Variants in SGCZ observed in about 807,000 individuals in gnomAD.
SGCZ encodes the protein sarcoglycan zeta, also known as zeta-sarcoglycan.
Under a neutral mutation model 41.3 loss-of-function variants are expected in SGCZ, and 40 were observed. The observed-to-expected ratio is 0.97, with a 90% confidence interval of 0.75 to 1.26. The LOEUF is 1.26. SGCZ is among the 50% of genes most tolerant of loss of function. The pLI is 0.00. For synonymous variants in SGCZ, 206 were observed against 137.5 expected (o/e 1.50, Z -3.49); for missense variants, 552 against 369.8 (o/e 1.49, Z -4.04).
chr8:15,137,450 G>T (rs574949456), intron 1 of SGCZ, among the ~76,000 whole-genome samples: 1 of 152,202 alleles, frequency 6.6e-6, no homozygotes, highest in East Asian at 1.9e-4. Flanking sequence ...TGTCTCCAAG[G>T]CATGTCGGGG....
At chr8:14,687,322 C>T (rs1408329303) in intron 1 of SGCZ, among the ~76,000 whole-genome samples, 1 of 137,402 alleles carries the variant, frequency 7.3e-6, no homozygotes, top group African/African-American at 3.2e-5. Flanking sequence ...TTAGGTATAT[C>T]TCCTAAAGCT....
intron 2 of SGCZ, among the ~76,000 whole-genome samples, chr8:14,347,721 A>T (rs918995202): frequency 6.6e-5 from 10 of 152,050 alleles, no homozygotes; most frequent in African/African-American, 2.4e-4. Flanking sequence ...AATACTTACC[A>T]TATGTCACGT....
intron 1 of SGCZ, among the ~76,000 whole-genome samples, chr8:14,718,353 A>C (rs1809764141): frequency 6.6e-6 from 1 of 152,054 alleles, no homozygotes; most frequent in Admixed American, 6.6e-5. Context: ...TGCTCAGGAA[A>C]AGTAGACAGA....
intron 4 of SGCZ, among the ~76,000 whole-genome samples, chr8:14,218,075 G>C (rs1438714480): frequency 6.6e-6 from 1 of 152,102 alleles, no homozygotes. Flanking sequence ...AACAAGAAAG[G>C]ATATCTACTT....
chr8:14,676,580 C>T (rs563607156), intron 1 of SGCZ, among the ~76,000 whole-genome samples: 10 of 152,224 alleles, frequency 6.6e-5, no homozygotes, highest in African/African-American at 2.4e-4. Flanking sequence ...AATAGTCCAA[C>T]ATTATTTAAA....
chr8:14,220,436 G>C (rs1806152508), intron 4 of SGCZ, among the ~76,000 whole-genome samples: 1 of 152,142 alleles, frequency 6.6e-6, no homozygotes, highest in Admixed American at 6.5e-5. Context: ...GAAAGCAGAT[G>C]GTAGAGTCCT....
At chr8:14,924,152 T>C (rs1217322798) in intron 1 of SGCZ, among the ~76,000 whole-genome samples, 1 of 152,248 alleles carries the variant, frequency 6.6e-6, no homozygotes, top group East Asian at 1.9e-4. Context: ...TCCTTTAGTC[T>C]TTAAGAAAAC....
chr8:14,190,174 G>A (rs1005304606), intron 4 of SGCZ, among the ~76,000 whole-genome samples: 4 of 151,392 alleles, frequency 2.6e-5, no homozygotes, highest in South Asian at 2.1e-4. Context: ...CACCACGCCC[G>A]GCTAATTCTT....
At chr8:14,105,516 C>T (rs1296920614) in intron 6 of SGCZ, among the ~76,000 whole-genome samples, 1 of 152,044 alleles carries the variant, frequency 6.6e-6, no homozygotes, top group African/African-American at 2.4e-5. Flanking sequence ...GGAAAATTGT[C>T]AGCAAGGCTT....
chr8:14,614,817 A>G (rs1806042491), intron 1 of SGCZ, among the ~76,000 whole-genome samples: 1 of 152,158 alleles, frequency 6.6e-6, no homozygotes, highest in Non-Finnish European at 1.5e-5. Context: ...AAACTAAGAA[A>G]AATGAATAAT....
chr8:14,556,749 C>A (rs1418093467), intron 1 of SGCZ, among the ~76,000 whole-genome samples: 1 of 152,052 alleles, frequency 6.6e-6, no homozygotes, highest in African/African-American at 2.4e-5. Context: ...CCAATCCCAT[C>A]CAGGTTGCTG....
At chr8:14,811,517 TC>T in intron 1 of SGCZ, among the ~76,000 whole-genome samples, 3 of 120,356 alleles carry the variant, frequency 2.5e-5, no homozygotes, top group African/African-American at 6.6e-5. Flanking sequence ...AGACACTGCA[TC>T]TTTTTTTTTT....
intron 1 of SGCZ, among the ~76,000 whole-genome samples, chr8:15,005,434 C>T (rs373020096): frequency 3.4e-5 from 5 of 148,950 alleles, no homozygotes; most frequent in African/African-American, 1.2e-4. Context: ...TGGGTTCGAG[C>T]GATTCTCCTG....
intron 2 of SGCZ, among the ~76,000 whole-genome samples, chr8:14,538,625 T>A (rs1042674428): frequency 6.6e-6 from 1 of 151,964 alleles, no homozygotes; most frequent in African/African-American, 2.4e-5. Flanking sequence ...CTTTTCTCCT[T>A]AAGCATAACA....
At chr8:14,611,414 A>G (rs1297703007) in intron 1 of SGCZ, among the ~76,000 whole-genome samples, 1 of 152,156 alleles carries the variant, frequency 6.6e-6, no homozygotes, top group Non-Finnish European at 1.5e-5. Flanking sequence ...ATGGCTTTCT[A>G]AAAATTGTTT....
intron 1 of SGCZ, among the ~76,000 whole-genome samples, chr8:15,027,527 T>A (rs1803502152): frequency 6.6e-6 from 1 of 152,116 alleles, no homozygotes; most frequent in African/African-American, 2.4e-5. Flanking sequence ...CTTTCTAGAA[T>A]ATTTACAGAT....
chr8:15,174,906 A>C (rs1170453670), intron 1 of SGCZ, among the ~76,000 whole-genome samples: 1 of 150,154 alleles, frequency 6.7e-6, no homozygotes, highest in Non-Finnish European at 1.5e-5. Context: ...GAGGAGTGTA[A>C]ATTAATTCAA....
intron 1 of SGCZ, among the ~76,000 whole-genome samples, chr8:14,961,183 C>G (rs1172415006): frequency 6.6e-6 from 1 of 152,092 alleles, no homozygotes; most frequent in African/African-American, 2.4e-5. Flanking sequence ...AAACAATCTG[C>G]TGACCTTCCC....
Position 14,694,268 on chromosome 8 carries a change from A to C in SGCZ, c.40-139342T>G, listed in dbSNP as rs190892065. The stretch of plus-strand genomic sequence containing the variant: ...ATTTACCTGAACCTTATTATAAAAC[A>C]GTATAATTTTTCTTTTGTTGTATTC... On this transcript the variant is annotated intron_variant, in intron 1 of 7. Coordinates refer to ENST00000382080, the MANE Select transcript of SGCZ (RefSeq NM_139167.4). Among the ~76,000 whole-genome samples the C allele has an allele frequency of 5.9e-3, 894 of 152,320 alleles. 5 individuals carry two copies. Among genetic ancestry groups the C allele is most frequent in the Non-Finnish European group, 7.1e-3 (486 of 68,036 alleles).
Sources: gnomAD v4.1 joint callset for allele counts (sites outside exome capture counted in the v4.1 genomes callset) on GRCh38, gnomAD v4.1.1 for gene constraint, MANE v1.5 for transcripts, NCBI Gene and HGNC (gene_info 2026-07-23, HGNC 2026-07-21) for gene names.